Variants in NEK1 observed in about 807,000 individuals in gnomAD.
NEK1 encodes serine/threonine-protein kinase Nek1.
In NEK1, 137 loss-of-function variants were observed where a neutral mutation model predicts 182.1. The observed-to-expected ratio is 0.75, with a 90% CI of 0.65 to 0.87. The LOEUF is 0.87. Among genes scored for constraint, NEK1 ranks in the 40% least tolerant of loss-of-function variants. NEK1 has a pLI of 0.00. For missense variants in NEK1, 1,391 were observed against 1,494.4 expected (o/e 0.93, Z 1.14); for synonymous variants, 513 against 492.2 (o/e 1.04, Z -0.56).
chr4:169,530,279 C>T (rs572292749), intron 19 of NEK1, among the ~76,000 whole-genome samples: 7 of 152,288 alleles, frequency 4.6e-5, no homozygotes, highest in South Asian at 2.1e-4. Flanking sequence ...CATACCATTA[C>T]GTGTGCAGAC....
At chr4:169,432,736 T>G in intron 29 of NEK1, among the ~76,000 whole-genome samples, 1 of 152,180 alleles carries the variant, frequency 6.6e-6, no homozygotes, top group East Asian at 1.9e-4. Flanking sequence ...GGGACAGATG[T>G]AAGCAAGACT....
chr4:169,494,263 A>C (rs985774248), intron 23 of NEK1, among the ~76,000 whole-genome samples: 1 of 151,402 alleles, frequency 6.6e-6, no homozygotes, highest in Admixed American at 6.6e-5. Flanking sequence ...CCCACCCCAC[A>C]ACAGGCCCTG....
intron 23 of NEK1, 128 bp from the exon 24 acceptor site, chr4:169,479,662 G>T: frequency 1.4e-6 from 1 of 729,840 alleles, no homozygotes; most frequent in Non-Finnish European, 2.2e-6. Context: ...TGAATTATCT[G>T]TTGAGCAAGG....
In NEK1 at chr4:169,552,891, G is replaced by C. The variant is rs145340150; in HGVS notation, c.1562+2829C>G. Among the ~76,000 whole-genome samples, 1,051 of 152,136 alleles carry C rather than the reference G, an allele frequency of 6.9e-3. 8 individuals are homozygous for C. Among genetic ancestry groups the C allele is most frequent in the Middle Eastern group, 0.02 (6 of 294 alleles). On this transcript the variant is annotated intron_variant, in intron 18 of 35. Transcript: ENST00000507142. ...GTTACAAATCTAAAAAAATATGCAC[G>C]GGTATGAGGAAAACTAAAAAATTCT... is the stretch of plus-strand genomic sequence containing the variant.
intron 27 of NEK1, among the ~76,000 whole-genome samples, chr4:169,455,259 T>C (rs1383524313): frequency 6.6e-6 from 1 of 151,774 alleles, no homozygotes; most frequent in Non-Finnish European, 1.5e-5. Flanking sequence ...CAAACCAACA[T>C]GGCACATGTA....
chr4:169,588,039 T>TAG (rs916613113), intron 8 of NEK1, among the ~76,000 whole-genome samples: 1 of 152,098 alleles, frequency 6.6e-6, no homozygotes, highest in African/African-American at 2.4e-5. Context: ...ATTTTCCAAT[T>TAG]AGAGAGAGAA....
intron 19 of NEK1, among the ~76,000 whole-genome samples, chr4:169,530,289 C>G (rs1460440939): frequency 6.6e-6 from 1 of 152,182 alleles, no homozygotes; most frequent in African/African-American, 2.4e-5. Context: ...CGTGTGCAGA[C>G]AGTTTCCCAC....
At chr4:169,532,206 A>G (rs1757785613) in intron 19 of NEK1, among the ~76,000 whole-genome samples, 1 of 152,190 alleles carries the variant, frequency 6.6e-6, no homozygotes. Flanking sequence ...GTCAATACTC[A>G]TTGAGATATA....
intron 27 of NEK1, among the ~76,000 whole-genome samples, chr4:169,453,225 T>C (rs1183667641): frequency 2.6e-5 from 4 of 152,148 alleles, no homozygotes; most frequent in African/African-American, 9.7e-5. Flanking sequence ...ATCGTGAAAA[T>C]GGACACACTG....
At chr4:169,433,028 G>C (rs760696479) in intron 29 of NEK1, among the ~76,000 whole-genome samples, 10 of 150,814 alleles carry the variant, frequency 6.6e-5, no homozygotes, top group Non-Finnish European at 1.0e-4. Flanking sequence ...GCCTCCCAAA[G>C]TACTGGGAAT....
At chr4:169,529,164 A>T (rs1757316509) in intron 19 of NEK1, among the ~76,000 whole-genome samples, 1 of 152,210 alleles carries the variant, frequency 6.6e-6, no homozygotes, top group Non-Finnish European at 1.5e-5. Flanking sequence ...ACTATCAGAA[A>T]AGAAGAAAGG....
intron 19 of NEK1, among the ~76,000 whole-genome samples, chr4:169,535,220 G>C (rs1055008846): frequency 1.3e-5 from 2 of 152,144 alleles, no homozygotes; most frequent in Admixed American, 6.6e-5. Context: ...CTGCTCGGGA[G>C]GCTGAGGCAG....
rs184032101 is a variant in NEK1, at chr4:169,406,033, G to T, written c.3374+563C>A. 2.8e-4 allele frequency among the ~76,000 whole-genome samples: 42 copies of T among 152,112 alleles called. 1 individual carries two copies. In the East Asian group the frequency reaches 8.0e-3, roughly 29 times the overall value. On this transcript the variant is annotated intron_variant, in intron 32 of 35. Coordinates refer to ENST00000507142, the MANE Select transcript of NEK1 (RefSeq NM_001199397.3). ...AATCGCTTGAACTTGGGAGGCAGAG[G>T]TCGCCGTGAGCCAAGATCATGCCAC...
chr4:169,514,232 C>T (rs1278364767), intron 19 of NEK1, among the ~76,000 whole-genome samples: 2 of 152,148 alleles, frequency 1.3e-5, no homozygotes, highest in Admixed American at 6.5e-5. Flanking sequence ...AGGTGATCCA[C>T]CTGCCTCGGC....
intron 31 of NEK1, among the ~76,000 whole-genome samples, chr4:169,418,312 C>T (rs570819687): frequency 3.3e-5 from 5 of 152,244 alleles, no homozygotes; most frequent in Admixed American, 2.6e-4. Flanking sequence ...AAACCCAATA[C>T]TCTTTACAGG....
At chr4:169,588,618 T>C (rs1767911811) in intron 8 of NEK1, 31 bp downstream of exon 8, 2 of 1,340,356 alleles carry the variant, frequency 1.5e-6, no homozygotes, top group Admixed American at 4.2e-5. Flanking sequence ...TGAAAGCAAA[T>C]ACATCACATA....
intron 26 of NEK1, among the ~76,000 whole-genome samples, chr4:169,464,692 A>T (rs1744604324): frequency 6.6e-6 from 1 of 152,168 alleles, no homozygotes; most frequent in Non-Finnish European, 1.5e-5. Flanking sequence ...TGGGGGGAAT[A>T]TAAAAATAGA....
rs559527691 is a variant in NEK1 at position 169,588,465 on chromosome 4, C to T, written c.551+184G>A. Among the ~76,000 whole-genome samples the T allele has an allele frequency of 1.2e-4, 18 of 152,166 alleles. No homozygotes were observed. The Middle Eastern group carries it at 0.01, about 86-fold the overall frequency. On this transcript the variant is annotated intron_variant, in intron 8 of 35. Transcript: ENST00000507142. ...TAAGGTGATTCTTTCTGCTGTTCTT[C>T]CAGTAAGATAATCAAATAGCTTTTT... is the stretch of plus-strand genomic sequence containing the variant.
At chr4:169,497,952 G>T (rs888499970) in intron 23 of NEK1, among the ~76,000 whole-genome samples, 1 of 151,876 alleles carries the variant, frequency 6.6e-6, no homozygotes, top group Non-Finnish European at 1.5e-5. Context: ...TCAATTCCTG[G>T]ATATCCTTGT....
Sources: allele counts gnomAD v4.1 joint callset (sites outside exome capture counted in the v4.1 genomes callset), GRCh38; gene constraint gnomAD v4.1.1; transcripts MANE v1.5; gene names NCBI Gene and HGNC (gene_info 2026-07-23, HGNC 2026-07-21).